CDH13: variants seen among roughly 807,000 people sequenced by gnomAD.
CDH13 encodes cadherin-13.
A neutral mutation model predicts 63.8 loss-of-function variants in CDH13; 24 were observed. The ratio of observed to expected loss-of-function variants is 0.38; its 90% CI spans 0.27 to 0.53. The LOEUF (loss-of-function observed/expected upper bound fraction) is 0.53. CDH13 is among the 20% of genes least tolerant of loss of function. The pLI is 0.85. For synonymous variants in CDH13, 503 were observed against 355.3 expected (o/e 1.42, Z -4.67); for missense variants, 1,049 against 903.1 (o/e 1.16, Z -2.07).
intron 10 of CDH13, among the ~76,000 whole-genome samples, chr16:83,705,672 T>C (rs1255170941): frequency 6.6e-6 from 1 of 152,206 alleles, no homozygotes; most frequent in Non-Finnish European, 1.5e-5. Flanking sequence ...TTAAGCTTTA[T>C]TGAGCAACTA....
At chr16:83,114,474 C>CCAT (rs1336993690) in intron 3 of CDH13, among the ~76,000 whole-genome samples, 1 of 152,184 alleles carries the variant, frequency 6.6e-6, no homozygotes. Flanking sequence ...AATCCACCAA[C>CCAT]CATCATCTTC....
At chr16:83,015,878 GA>G (rs1914743768) in intron 2 of CDH13, among the ~76,000 whole-genome samples, 1 of 151,450 alleles carries the variant, frequency 6.6e-6, no homozygotes, top group African/African-American at 2.4e-5. Context: ...TGCCACTTGT[GA>G]TGGAAAGCTA....
intron 1 of CDH13, among the ~76,000 whole-genome samples, chr16:82,778,172 C>T (rs1430757881): frequency 6.6e-6 from 1 of 152,152 alleles, no homozygotes; most frequent in Admixed American, 6.5e-5. Flanking sequence ...AATGATGGGT[C>T]AAATTCCTTT....
At chr16:83,016,178 C>G (rs895166643) in intron 2 of CDH13, among the ~76,000 whole-genome samples, 2 of 152,100 alleles carry the variant, frequency 1.3e-5, no homozygotes, top group African/African-American at 2.4e-5. Flanking sequence ...GCCTACAGGG[C>G]TGATTATTTT....
At chr16:82,696,712 T>C (rs1005198777) in intron 1 of CDH13, among the ~76,000 whole-genome samples, 2 of 152,242 alleles carry the variant, frequency 1.3e-5, no homozygotes, top group Admixed American at 1.3e-4. Flanking sequence ...ATGCTATCTA[T>C]GTATGTTAAT....
intron 1 of CDH13, among the ~76,000 whole-genome samples, chr16:82,820,881 T>C (rs2151094909): frequency 6.7e-6 from 1 of 148,886 alleles, no homozygotes; most frequent in South Asian, 2.2e-4. Flanking sequence ...TGGTAGATTA[T>C]TTTCATTCAT....
At chr16:82,817,388 G>C (rs1355621401) in intron 1 of CDH13, among the ~76,000 whole-genome samples, 1 of 152,156 alleles carries the variant, frequency 6.6e-6, no homozygotes, top group Non-Finnish European at 1.5e-5. Flanking sequence ...AATAAGCCCA[G>C]TGGAATGTGT....
chr16:83,011,600 A>G (rs1914162074), intron 2 of CDH13, among the ~76,000 whole-genome samples: 2 of 152,172 alleles, frequency 1.3e-5, no homozygotes, highest in South Asian at 4.1e-4. Context: ...CAGGTTGCAC[A>G]AGAAACATGC....
rs542781935 is a variant in CDH13, at chr16:83,306,841, T to C, written c.637-38021T>C. ...AAGCACATGAAATTGGAAATTAGACTCTTCTTTGGAAATTACCCAGTCTCA... is the reference window on the plus strand; with the variant it reads ...AAGCACATGAAATTGGAAATTAGACCCTTCTTTGGAAATTACCCAGTCTCA... On this transcript the variant is annotated intron_variant, in intron 5 of 13. Coordinates refer to ENST00000567109, the MANE Select transcript of CDH13 (RefSeq NM_001257.5). Among the ~76,000 whole-genome samples the C allele has an allele frequency of 4.6e-5, 7 of 152,216 alleles. 2 individuals carry two copies. In the South Asian group the frequency reaches 1.5e-3, roughly 32 times the overall value.
At chr16:83,396,853 G>A (rs1017420572) in intron 6 of CDH13, 1 of 152,148 alleles carries the variant, frequency 6.6e-6, no homozygotes, top group Non-Finnish European at 1.5e-5. Flanking sequence ...TTTGTCAGTA[G>A]CATTTTTCAT....
chr16:83,546,620 G>T (rs1020205779), intron 7 of CDH13, among the ~76,000 whole-genome samples: 2 of 152,118 alleles, frequency 1.3e-5, no homozygotes, highest in Non-Finnish European at 2.9e-5. Context: ...CCATGTCTCT[G>T]ATCTTTACTC....
At chr16:83,746,335 GTCT>G (rs1177288011) in intron 10 of CDH13, among the ~76,000 whole-genome samples, 2 of 152,100 alleles carry the variant, frequency 1.3e-5, no homozygotes, top group Admixed American at 1.3e-4. Flanking sequence ...CGGTCGTGTG[GTCT>G]TCTCCTTTTC....
intron 4 of CDH13, among the ~76,000 whole-genome samples, chr16:83,167,928 C>G (rs1034035989): frequency 1.4e-4 from 21 of 152,140 alleles, no homozygotes; most frequent in African/African-American, 4.1e-4. Flanking sequence ...GGCTATTATC[C>G]TAAGCGAATT....
rs143460448 is a variant in CDH13 at position 82,858,820 on chromosome 16, C to T, written c.157+347C>T. 3.9e-3 allele frequency: 1,365 copies of T among 352,770 alleles called. 24 individuals carry two copies. Among genetic ancestry groups the T allele is most frequent in the African/African-American group, 0.026 (1,255 of 48,710 alleles). The allele number at this position is 352,770 out of a possible 1,614,324, so 21.9% of individuals were successfully genotyped here. ...CCCAAAATCAAAATCATTGCCTTCT[C>T]GCAGATTGCTGTTCTACCTGTAGTT... On this transcript the variant is annotated intron_variant, in intron 2 of 13. Transcript: ENST00000567109.
intron 5 of CDH13, among the ~76,000 whole-genome samples, chr16:83,273,712 C>A (rs2151848824): frequency 6.6e-6 from 1 of 152,290 alleles, no homozygotes; most frequent in Middle Eastern, 3.4e-3. Flanking sequence ...AAGTTAACTA[C>A]TGTTTGTTGA....
chr16:82,709,090 C>A (rs2031717325), intron 1 of CDH13, among the ~76,000 whole-genome samples: 1 of 152,172 alleles, frequency 6.6e-6, no homozygotes, highest in Non-Finnish European at 1.5e-5. Context: ...TCCTCTTTCA[C>A]TGCAGTAGAT....
intron 5 of CDH13, among the ~76,000 whole-genome samples, chr16:83,231,001 A>T (rs139578229): frequency 5.3e-5 from 8 of 152,230 alleles, no homozygotes; most frequent in African/African-American, 1.7e-4. Flanking sequence ...CCCTTTGTCC[A>T]CATGCCTTCA....
chr16:83,383,452 G>T (rs940489600), intron 6 of CDH13, among the ~76,000 whole-genome samples: 5 of 152,134 alleles, frequency 3.3e-5, no homozygotes, highest in African/African-American at 1.2e-4. Flanking sequence ...TGACTCACCT[G>T]CCAGTTCTTA....
chr16:83,317,132 C>T (rs144292975), intron 5 of CDH13, among the ~76,000 whole-genome samples: 405 of 152,288 alleles, frequency 2.7e-3, no homozygotes, highest in Admixed American at 0.011. Flanking sequence ...CTACAATGCC[C>T]AGAAAAGTCA....
Sources: allele counts gnomAD v4.1 joint callset (sites outside exome capture counted in the v4.1 genomes callset), GRCh38; gene constraint gnomAD v4.1.1; transcripts MANE v1.5; gene names NCBI Gene and HGNC (gene_info 2026-07-23, HGNC 2026-07-21).